TRIO: variants seen among roughly 807,000 people sequenced by gnomAD.
The protein encoded by TRIO is trio Rho guanine nucleotide exchange factor.
Under a neutral mutation model 351.9 loss-of-function variants are expected in TRIO, and 58 were observed. The ratio of observed to expected loss-of-function variants is 0.16; its 90% CI spans 0.13 to 0.21. The LOEUF (loss-of-function observed/expected upper bound fraction) is 0.21, where lower values mean the gene tolerates loss of function less well. Among genes scored for constraint, TRIO ranks in the 10% least tolerant of loss-of-function variants. The probability of loss-of-function intolerance (pLI) is 1.00; values close to 1 mark genes in which losing one functional copy is unlikely to be tolerated. For missense variants in TRIO, 3,201 were observed against 4,027.8 expected, an observed-to-expected ratio of 0.79 and a Z score of 5.56; for synonymous variants, 1,758 against 1,595.7, an observed-to-expected ratio of 1.10 and a Z score of -2.42.
chr5:14,238,095 G>GAACTTTATACA, intron 1 of TRIO, among the ~76,000 whole-genome samples: 1 of 152,176 alleles, frequency 6.6e-6, no homozygotes, highest in South Asian at 2.1e-4. Context: ...GTTAGAGATA[G>GAACTTTATACA]TGAACTTTAT....
chr5:14,442,095 T>C (rs1010927667), intron 34 of TRIO, among the ~76,000 whole-genome samples: 1 of 152,172 alleles, frequency 6.6e-6, no homozygotes, highest in African/African-American at 2.4e-5. Context: ...TCAGTAACCT[T>C]TGACAGCTCT....
chr5:14,380,264 C>CGCCCCGCCTCCTCCTTCGT (rs1183149691), intron 20 of TRIO, among the ~76,000 whole-genome samples: 1 of 28,686 alleles, frequency 3.5e-5, no homozygotes, highest in African/African-American at 1.8e-4. Context: ...CTCTTCCCGG[C>CGCCCCGCCTCCTCCTTCGT]GCCCCGCCTC....
chr5:14,341,182 T>C (rs1741909309), intron 11 of TRIO, among the ~76,000 whole-genome samples: 1 of 152,246 alleles, frequency 6.6e-6, no homozygotes, highest in Non-Finnish European at 1.5e-5. Flanking sequence ...ATGGCATTTA[T>C]TCACATCAGT....
chr5:14,191,384 G>A (rs998277622), intron 1 of TRIO, among the ~76,000 whole-genome samples: 5 of 152,166 alleles, frequency 3.3e-5, no homozygotes, highest in East Asian at 1.9e-4. Flanking sequence ...TTGGGGTCAG[G>A]AGTTTAAGAC....
At chr5:14,387,236 T>A (rs1746622832) in intron 21 of TRIO, 1 of 489,372 alleles carries the variant, frequency 2.0e-6, no homozygotes, top group Admixed American at 3.4e-5. Flanking sequence ...AAAATGCCAT[T>A]CGTTGTAGCA....
intron 10 of TRIO, 143 bp downstream of exon 10, chr5:14,331,043 G>T: frequency 8.0e-7 from 1 of 1,242,442 alleles, no homozygotes. Flanking sequence ...CGATTTCAGA[G>T]TGAAGTTGTC....
chr5:14,493,466 A>G (rs1230794466), intron 49 of TRIO, among the ~76,000 whole-genome samples: 4 of 152,200 alleles, frequency 2.6e-5, no homozygotes, highest in African/African-American at 4.8e-5. Flanking sequence ...ATATGTAGTT[A>G]GTGATGTCTG....
chr5:14,182,696 A>G (rs911991018), intron 1 of TRIO, among the ~76,000 whole-genome samples: 4 of 152,132 alleles, frequency 2.6e-5, no homozygotes, highest in African/African-American at 4.8e-5. Context: ...TTTTCTTTCT[A>G]AGACATTATC....
rs762100141 is a variant in TRIO at position 14,369,434 on chromosome 5, G to A, written c.3127G>A (p.Gly1043Arg). The change falls in exon 18 of 57, where the codon GGG (glycine) becomes AGG (arginine). Residue 1043 changes from glycine to arginine, a missense_variant. Gly to Arg is a moderately radical substitution (Grantham distance 125). This residue lies in a region of TRIO where 363 missense variants were observed against 553.5 expected (regional missense o/e 0.66). Coordinates refer to ENST00000344204, the MANE Select transcript of TRIO (RefSeq NM_007118.4). ...CAAGAGAGAAGAAGACTGGTGTGGC[G>A]GGGCGGATAAGCTGGGCCCAAACTC... is the stretch of plus-strand genomic sequence containing the variant. ...EYKREEDWCG[G>R]ADKLGPNSET... The A allele has an allele frequency of 2.5e-6, 4 of 1,614,110 alleles. No individual in the cohort carries two copies. Among genetic ancestry groups the A allele is most frequent in the Admixed American group, 1.7e-5 (1 of 60,020 alleles).
intron 8 of TRIO, among the ~76,000 whole-genome samples, chr5:14,310,674 C>A (rs1454620386): frequency 6.6e-6 from 1 of 152,202 alleles, no homozygotes; most frequent in Non-Finnish European, 1.5e-5. Flanking sequence ...AAGCTCAGTT[C>A]CCTTGCGGTA....
chr5:14,300,650 C>G (rs1243056534), intron 7 of TRIO, among the ~76,000 whole-genome samples: 4 of 152,136 alleles, frequency 2.6e-5, no homozygotes, highest in Non-Finnish European at 5.9e-5. Flanking sequence ...AACATGAAAT[C>G]TCATTTCATC....
At chr5:14,498,706 G>A in intron 53 of TRIO, 66 bp downstream of exon 53, 2 of 1,587,804 alleles carry the variant, frequency 1.3e-6, no homozygotes, top group South Asian at 2.2e-5. Context: ...GTCTCCTTAA[G>A]TCCTGAGTCT....
chr5:14,276,920 A>G (rs909020284), intron 2 of TRIO, among the ~76,000 whole-genome samples: 1 of 152,230 alleles, frequency 6.6e-6, no homozygotes, highest in Non-Finnish European at 1.5e-5. Context: ...TCACACAGAC[A>G]TGTATAGCTA....
intron 1 of TRIO, among the ~76,000 whole-genome samples, chr5:14,236,331 T>G (rs354287): frequency 6.6e-6 from 1 of 151,950 alleles, no homozygotes; most frequent in Non-Finnish European, 1.5e-5. Context: ...AAATCTTAAA[T>G]GTTCCTTTTT....
At chr5:14,256,318 C>G (rs76537977) in intron 1 of TRIO, among the ~76,000 whole-genome samples, 12,001 of 152,168 alleles carry the variant, frequency 0.079, 532 homozygotes, top group African/African-American at 0.086. Flanking sequence ...ACCCCCATGA[C>G]TCAAACACCT....
chr5:14,459,103 A>G (rs1753582688), intron 34 of TRIO, among the ~76,000 whole-genome samples: 1 of 152,222 alleles, frequency 6.6e-6, no homozygotes, highest in South Asian at 2.1e-4. Flanking sequence ...AGAATGAATG[A>G]TCCTGCCTAA....
In TRIO at chr5:14,173,941, C is replaced by A. The variant is rs551447231; in HGVS notation, c.157+30059C>A. Reference sequence around the variant, plus strand: ...TGTCTTGGCTGTTCTCTTGAAATACCCAGTAGTGCTGCCCAAATGGCCAGC... The same window carrying A: ...TGTCTTGGCTGTTCTCTTGAAATACACAGTAGTGCTGCCCAAATGGCCAGC... On this transcript the variant is annotated intron_variant, in intron 1 of 56. Transcript: ENST00000344204. Among the ~76,000 whole-genome samples, 10 of 152,260 alleles carry A rather than the reference C, an allele frequency of 6.6e-5. No homozygotes were observed. In the East Asian group the frequency reaches 1.9e-3, roughly 29 times the overall value.
intron 2 of TRIO, among the ~76,000 whole-genome samples, chr5:14,278,405 T>C (rs30620): frequency 0.77 from 117,073 of 152,132 alleles, 45,425 homozygotes; most frequent in East Asian, 0.98. Context: ...GAGAGTGTCA[T>C]GTGGGTCCCT....
At chr5:14,376,400 A>G (rs1354750580) in intron 19 of TRIO, among the ~76,000 whole-genome samples, 2 of 152,232 alleles carry the variant, frequency 1.3e-5, no homozygotes, top group South Asian at 2.1e-4. Flanking sequence ...ACTGGTAACC[A>G]CTGTCAAGGC....
Sources: allele counts gnomAD v4.1 joint callset (sites outside exome capture counted in the v4.1 genomes callset), GRCh38; gene constraint gnomAD v4.1.1; regional missense constraint gnomAD v4.1.1; transcripts MANE v1.5; gene names NCBI Gene and HGNC (gene_info 2026-07-23, HGNC 2026-07-21).